RALGDS: variants seen among roughly 807,000 people sequenced by gnomAD.
The protein encoded by RALGDS is ral guanine nucleotide exchange factor.
RALGDS carries 44 observed loss-of-function variants against 99.8 expected under a neutral mutation model. The observed-to-expected ratio is 0.44, with a 90% CI of 0.35 to 0.57. The LOEUF (loss-of-function observed/expected upper bound fraction) is 0.57. Among genes scored for constraint, RALGDS ranks in the 20% least tolerant of loss-of-function variants. The pLI is 0.01. For synonymous variants in RALGDS, 529 were observed against 505.0 expected (o/e 1.05, Z -0.64); for missense variants, 1,022 against 1,203.1 (o/e 0.85, Z 2.23).
intron 16 of RALGDS, chr9:133,101,289 C>A: frequency 7.2e-7 from 1 of 1,382,150 alleles, no homozygotes; most frequent in Non-Finnish European, 9.7e-7. Flanking sequence ...TCCCCTACAG[C>A]ACCGCCCCTT....
intron 1 of RALGDS, among the ~76,000 whole-genome samples, chr9:133,126,864 T>C (rs1437250123): frequency 6.6e-6 from 1 of 152,102 alleles, no homozygotes; most frequent in South Asian, 2.1e-4. Flanking sequence ...TGAGCAGCTG[T>C]CTCGTTTAGG....
At chr9:133,109,559 G>A in intron 4 of RALGDS, 67 bp downstream of exon 4, 1 of 1,424,168 alleles carries the variant, frequency 7.0e-7, no homozygotes, top group Non-Finnish European at 9.9e-7. Flanking sequence ...TCCGGCCCCA[G>A]CCCCATGTAC....
At chr9:133,106,066 G>A (rs1178261607) in intron 8 of RALGDS, 50 bp from the exon 9 acceptor site, 13 of 1,425,260 alleles carry the variant, frequency 9.1e-6, no homozygotes, top group Admixed American at 1.7e-5. Context: ...GGTAGGGAGG[G>A]GTGTGAGTGC....
At position 133,110,450 on chromosome 9, in the gene RALGDS, T is replaced by C. The variant is rs764135364; in HGVS notation, c.334A>G (p.Lys112Glu). ...ESALNLYETCKVRTVKAGTLE... is the reference protein window; with the variant it reads ...ESALNLYETCEVRTVKAGTLE... ...GTGCCAGCCTTCACGGTCCGCACCTTGCAAGTCTCATAAAGGTTCAGGGCC... is the reference window on the plus strand; with the variant it reads ...GTGCCAGCCTTCACGGTCCGCACCTCGCAAGTCTCATAAAGGTTCAGGGCC... Residue 112 changes from lysine to glutamate, a missense_variant, in exon 3 of 18, where the codon AAG becomes GAG. Physicochemically the swap from Lys to Glu is moderately conservative, Grantham distance 56. This residue lies in a region of RALGDS where 180 missense variants were observed against 169.3 expected (regional missense o/e 1.06). Coordinates refer to ENST00000372050, the MANE Select transcript of RALGDS (RefSeq NM_006266.4). The C allele has an allele frequency of 2.5e-6, 4 of 1,613,308 alleles. No homozygotes were observed. The highest frequency in any genetic ancestry group is 3.4e-6 in the Non-Finnish European group (4 of 1,179,926).
chr9:133,129,769 C>T (rs954815791), intron 1 of RALGDS, among the ~76,000 whole-genome samples: 1 of 151,764 alleles, frequency 6.6e-6, no homozygotes, highest in South Asian at 2.1e-4. Flanking sequence ...TAGACCTGAG[C>T]TCTTCCATCC....
chr9:133,107,870 G>C, intron 6 of RALGDS, 118 bp downstream of exon 6: 1 of 1,320,070 alleles, frequency 7.6e-7, no homozygotes, highest in Non-Finnish European at 1.1e-6. Context: ...TTGGTGTGTA[G>C]CAGCAGAGCT....
At position 133,116,317 on chromosome 9, in the gene RALGDS, G is replaced by A. The variant is rs1037101761; in HGVS notation, c.184-4165C>T. Among the ~76,000 whole-genome samples the A allele has an allele frequency of 3.3e-5, 5 of 152,252 alleles. No homozygotes were observed. In the South Asian group the frequency reaches 8.3e-4, roughly 25 times the overall value. On this transcript the variant is annotated intron_variant, in intron 1 of 17. Coordinates refer to ENST00000372050, the MANE Select transcript of RALGDS (RefSeq NM_006266.4). ...CACAGAGGCGGCCTCAGACCGGGAC[G>A]ACACGCGGTGCCTGCCCACCAGGAT...
intron 1 of RALGDS, among the ~76,000 whole-genome samples, chr9:133,142,344 C>T (rs566004369): frequency 5.9e-4 from 90 of 152,204 alleles, no homozygotes; most frequent in African/African-American, 2.1e-3. Flanking sequence ...TCAGAGTCTT[C>T]TTTTTGGGCC....
chr9:133,112,992 G>T (rs1440777652), intron 1 of RALGDS, among the ~76,000 whole-genome samples: 4 of 152,236 alleles, frequency 2.6e-5, no homozygotes, highest in Non-Finnish European at 5.9e-5. Flanking sequence ...GCCCCAGGCA[G>T]TAAGGAAAGG....
chr9:133,100,705 T>G (rs991896272), intron 16 of RALGDS: 74 of 1,232,804 alleles, frequency 6.0e-5, no homozygotes, highest in Non-Finnish European at 7.5e-5. Context: ...GATAACAGCA[T>G]CACTGAGCCT....
intron 1 of RALGDS, among the ~76,000 whole-genome samples, chr9:133,147,475 C>T (rs1832641616): frequency 6.6e-6 from 1 of 152,252 alleles, no homozygotes. Flanking sequence ...CGCTGCCCCC[C>T]CACAACCCAG....
chr9:133,115,061 CAGA>C (rs1160889992), intron 1 of RALGDS, among the ~76,000 whole-genome samples: 1 of 152,142 alleles, frequency 6.6e-6, no homozygotes, highest in East Asian at 1.9e-4. Context: ...CCCTGGCTGA[CAGA>C]AGGAGGAAGC....
chr9:133,120,428 A>ACCCCCCCCCCCCCCCC (rs71378548), intron 1 of RALGDS, among the ~76,000 whole-genome samples: 30 of 60,026 alleles, frequency 5.0e-4, no homozygotes, highest in Admixed American at 6.8e-4. Flanking sequence ...CCATCCCCCG[A>ACCCCCCCCCCCCCCCC]CCCCCCCCCC....
At chr9:133,107,627 C>T (rs1831137280) in intron 6 of RALGDS, among the ~76,000 whole-genome samples, 1 of 152,186 alleles carries the variant, frequency 6.6e-6, no homozygotes, top group Non-Finnish European at 1.5e-5. Flanking sequence ...GCCATAGGCT[C>T]CAGGACACAC....
At chr9:133,108,597 T>G (rs1831189030) in intron 5 of RALGDS, 76 bp downstream of exon 5, 1 of 1,566,046 alleles carries the variant, frequency 6.4e-7, no homozygotes, top group Non-Finnish European at 8.7e-7. Context: ...CACCAGACCC[T>G]GGAGCCTCCT....
Position 133,098,660 on chromosome 9 carries a change from ACCTTCACTCCCTTG to A in RALGDS, c.2658_2671del (p.Lys887GlnfsTer35). The stretch of plus-strand genomic sequence containing the variant: ...GAGGGTGGAGCTGGCTCCGTGCTTG[ACCTTCACTCCCTTG>A]GTGAAGGTCCGCTTCTTGAGGACAA... On this transcript the variant is annotated frameshift_variant, in exon 18 of 18. Coordinates refer to ENST00000372050, the MANE Select transcript of RALGDS (RefSeq NM_006266.4). LOFTEE classifies it high-confidence loss of function. The A allele has an allele frequency of 6.2e-7, 1 of 1,613,950 alleles. No homozygotes were observed. The highest frequency in any genetic ancestry group is 2.2e-5 in the East Asian group (1 of 44,844).
chr9:133,138,643 C>T (rs1024023427), intron 1 of RALGDS, among the ~76,000 whole-genome samples: 4 of 152,174 alleles, frequency 2.6e-5, no homozygotes, highest in African/African-American at 9.7e-5. Context: ...GGGCCTGGTG[C>T]TTTGTTTGTT....
In RALGDS at chr9:133,102,485, C is replaced by T. The variant is rs761610855; in HGVS notation, c.2000G>A (p.Arg667His). 45 of 1,613,966 alleles carry T rather than the reference C, an allele frequency of 2.8e-5. No homozygotes were observed. The highest frequency in any genetic ancestry group is 3.3e-5 in the Admixed American group (2 of 60,014). The change falls in exon 14 of 18, where the codon CGC becomes CAC. Residue 667 changes from arginine to histidine, a missense_variant. By Grantham distance (29) the Arg-to-His change is conservative. Transcript: ENST00000372050. Reference protein sequence around the residue: ...RTKKNTAIVKRWSDRQAPSTE... With the variant: ...RTKKNTAIVKHWSDRQAPSTE... ...TTGGCCAGGCCCTTACTCGCTCCAG[C>T]GCTTGACAATGGCTGTGTTCTTCTT...
intron 1 of RALGDS, among the ~76,000 whole-genome samples, chr9:133,143,090 T>A (rs1034586674): frequency 6.6e-6 from 1 of 152,236 alleles, no homozygotes; most frequent in Non-Finnish European, 1.5e-5. Flanking sequence ...CTGGCTGTCA[T>A]CACCAGGCAC....
Sources: allele counts gnomAD v4.1 joint callset (sites outside exome capture counted in the v4.1 genomes callset), GRCh38; gene constraint gnomAD v4.1.1; regional missense constraint gnomAD v4.1.1; transcripts MANE v1.5; gene names NCBI Gene and HGNC (gene_info 2026-07-23, HGNC 2026-07-21).